ADD3: variants seen among roughly 807,000 people sequenced by gnomAD.
The protein encoded by ADD3 is gamma-adducin.
In ADD3, 25 loss-of-function variants were observed where a neutral mutation model predicts 80.2. The ratio of observed to expected loss-of-function variants is 0.31; its 90% CI spans 0.23 to 0.44. The LOEUF (loss-of-function observed/expected upper bound fraction) is 0.44, where lower values mean the gene tolerates loss of function less well. Ranked by LOEUF, ADD3 falls within the 20% of genes least tolerant of loss-of-function variation. The pLI, the probability that ADD3 is intolerant of heterozygous loss-of-function variation, is 1.00. For synonymous variants in ADD3, 284 were observed against 289.6 expected (o/e 0.98, Z 0.20); for missense variants, 829 against 847.5 (o/e 0.98, Z 0.27).
chr10:110,050,456 G>A lies in ADD3; in HGVS notation c.-30+42157G>A, dbSNP rs191547559. Among the ~76,000 whole-genome samples the A allele has an allele frequency of 1.2e-3, 174 of 150,172 alleles. 1 individual carries two copies. Among genetic ancestry groups the A allele is most frequent in the South Asian group, 4.2e-3 (20 of 4,712 alleles). On this transcript the variant is annotated intron_variant, in intron 1 of 14. Coordinates refer to ENST00000356080, the MANE Select transcript of ADD3 (RefSeq NM_016824.5). ...TAAGACATGTCTTTTGCCTTCCACC[G>A]TGATTGTGAGTCCTCCCCAGCCACG... is the stretch of plus-strand genomic sequence containing the variant.
chr10:110,002,528 C>A (rs1369820875), upstream of ADD3, among the ~76,000 whole-genome samples: 2 of 152,042 alleles, frequency 1.3e-5, no homozygotes, highest in African/African-American at 2.4e-5. Context: ...CCTACCTCGG[C>A]CTCCCAAAGT....
intron 1 of ADD3, among the ~76,000 whole-genome samples, chr10:110,051,154 C>T (rs1857473570): frequency 6.6e-6 from 1 of 152,086 alleles, no homozygotes; most frequent in African/African-American, 2.4e-5. Flanking sequence ...CAAAAATAAA[C>T]TCAAAATGGA....
intron 1 of ADD3, among the ~76,000 whole-genome samples, chr10:110,072,556 A>T (rs1844866945): frequency 6.6e-6 from 1 of 152,132 alleles, no homozygotes; most frequent in African/African-American, 2.4e-5. Flanking sequence ...GGCCTGTAGG[A>T]GGCTTTTCTT....
chr10:110,019,948 G>A (rs1261402239), intron 1 of ADD3, among the ~76,000 whole-genome samples: 2 of 152,156 alleles, frequency 1.3e-5, no homozygotes, highest in Non-Finnish European at 2.9e-5. Context: ...TCAGCTCTTC[G>A]GAAGCTAGAG....
chr10:110,132,894 C>T (rs975822940), intron 14 of ADD3, among the ~76,000 whole-genome samples: 26 of 141,268 alleles, frequency 1.8e-4, no homozygotes, highest in Middle Eastern at 7.3e-3. Context: ...CACTGCACTC[C>T]GGCCTGGGCG....
intron 1 of ADD3, among the ~76,000 whole-genome samples, chr10:110,043,931 G>T (rs190500954): frequency 6.6e-6 from 1 of 152,166 alleles, no homozygotes; most frequent in African/African-American, 2.4e-5. Flanking sequence ...TGAACAGGCC[G>T]GGTGCGGTGG....
intron 1 of ADD3, among the ~76,000 whole-genome samples, chr10:110,043,870 T>G (rs1344888801): frequency 6.6e-6 from 1 of 152,134 alleles, no homozygotes; most frequent in Non-Finnish European, 1.5e-5. Flanking sequence ...ATACTATTTT[T>G]GGGTTGAGAG....
At chr10:110,056,494 A>C (rs1858210990) in intron 1 of ADD3, among the ~76,000 whole-genome samples, 1 of 152,226 alleles carries the variant, frequency 6.6e-6, no homozygotes, top group Non-Finnish European at 1.5e-5. Flanking sequence ...AGCCGAAGTA[A>C]GGGTTTTTTC....
Position 110,122,215 on chromosome 10 carries a change from G to A in ADD3, c.1066G>A (p.Val356Met). ...TGTAGCAGCGTCTGGTGGAGGAGGT[G>A]TGAATATGGGTTCCCATCAAAAATG... ...YTVAASGGGG[V>M]NMGSHQKWKV... is the part of the protein sequence containing the mutation. The change falls in exon 9 of 15, where the codon GTG becomes ATG. Residue 356 changes from valine to methionine, a missense_variant. Transcript: ENST00000356080. 1 of 1,614,160 alleles carries A rather than the reference G, an allele frequency of 6.2e-7. No individual in the cohort carries two copies. The highest frequency in any genetic ancestry group is 1.3e-5 in the African/African-American group (1 of 75,046).
intron 1 of ADD3, among the ~76,000 whole-genome samples, chr10:110,045,944 G>C (rs187522907): frequency 1.9e-3 from 282 of 152,316 alleles, no homozygotes; most frequent in Admixed American, 4.6e-3. Flanking sequence ...TATGTGAACA[G>C]TTCATCCTTC....
At position 110,118,569 on chromosome 10, in the gene ADD3, C is replaced by G; in HGVS notation, c.568-18C>G. The G allele has an allele frequency of 6.2e-7, 1 of 1,610,462 alleles. No individual in the cohort carries two copies. The highest frequency in any genetic ancestry group is 8.5e-7 in the Non-Finnish European group (1 of 1,176,800). On this transcript the variant is annotated intron_variant, in intron 5 of 14. Transcript: ENST00000356080. ...ATACGTATATACCAGTTAAATATGT[C>G]CTTCTGATTTTTTCCAGGTGAAAGT...
chr10:110,128,532 C>T (rs767103147), intron 12 of ADD3, among the ~76,000 whole-genome samples: 30 of 152,118 alleles, frequency 2.0e-4, no homozygotes, highest in Non-Finnish European at 4.0e-4. Flanking sequence ...TTCTCTGCCT[C>T]AGCCTCCCAA....
intron 1 of ADD3, among the ~76,000 whole-genome samples, chr10:110,056,751 T>G (rs1421639755): frequency 6.6e-6 from 1 of 152,214 alleles, no homozygotes; most frequent in Non-Finnish European, 1.5e-5. Flanking sequence ...TTGAAACAAT[T>G]GGCACACATT....
chr10:110,043,571 C>A (rs1856601306), intron 1 of ADD3, among the ~76,000 whole-genome samples: 1 of 152,044 alleles, frequency 6.6e-6, no homozygotes, highest in Non-Finnish European at 1.5e-5. Flanking sequence ...ACTATTGGAG[C>A]CACATTTTTT....
At chr10:110,118,019 TACACACACACACACACACAC>T (rs148105742) in intron 5 of ADD3, among the ~76,000 whole-genome samples, 8,320 of 125,682 alleles carry the variant, frequency 0.066, 316 homozygotes, top group South Asian at 0.15. Context: ...CTGTCTTCAA[TACACACACACACACACACAC>T]ACACACACAC....
intron 1 of ADD3, among the ~76,000 whole-genome samples, chr10:110,061,799 C>T (rs1589931903): frequency 6.6e-6 from 1 of 152,164 alleles, no homozygotes; most frequent in South Asian, 2.1e-4. Context: ...TCAGTCCTCT[C>T]ATTTTCACTT....
chr10:110,015,364 A>G (rs1246742733), intron 1 of ADD3, among the ~76,000 whole-genome samples: 1 of 151,276 alleles, frequency 6.6e-6, no homozygotes, highest in Non-Finnish European at 1.5e-5. Flanking sequence ...TAATTTTCAT[A>G]TTAGAATGTT....
chr10:110,002,480 T>C (rs922843272), upstream of ADD3, among the ~76,000 whole-genome samples: 1 of 151,978 alleles, frequency 6.6e-6, no homozygotes, highest in Admixed American at 6.5e-5. Context: ...TTCATGGTGT[T>C]AGCCAGGATG....
In ADD3 at chr10:110,018,526, CAAAAAAAAAA is replaced by C. The variant is rs59949041; in HGVS notation, c.-30+10243_-30+10252del. ...CTGGGTGACAAGTGAGACTTTGTCTCAAAAAAAAAAAAAAAAAAAAAAAAAGAGTTGGAGT... is the reference window on the plus strand; with the variant it reads ...CTGGGTGACAAGTGAGACTTTGTCTCAAAAAAAAAAAAAAAGAGTTGGAGT... On this transcript the variant is annotated intron_variant, in intron 1 of 14. Coordinates refer to ENST00000356080, the MANE Select transcript of ADD3 (RefSeq NM_016824.5). Among the ~76,000 whole-genome samples, 10 of 49,542 alleles carry C rather than the reference CAAAAAAAAAA, an allele frequency of 2.0e-4. No individual in the cohort carries two copies. In the South Asian group the frequency reaches 0.011, roughly 52 times the overall value. 32.5% of individuals were successfully genotyped at this position (49,542 alleles called of 152,430 possible).
Sources: gnomAD v4.1 joint callset for allele counts (sites outside exome capture counted in the v4.1 genomes callset) on GRCh38, gnomAD v4.1.1 for gene constraint, MANE v1.5 for transcripts, NCBI Gene and HGNC (gene_info 2026-07-23, HGNC 2026-07-21) for gene names.